ANO4: variants seen among roughly 807,000 people sequenced by gnomAD.
ANO4 encodes anoctamin-4.
In ANO4, 69 loss-of-function variants were observed where a neutral mutation model predicts 141.9. That is an observed-to-expected ratio of 0.49 (90% CI 0.40 to 0.59). The LOEUF (loss-of-function observed/expected upper bound fraction) is 0.59, where lower values mean the gene tolerates loss of function less well. ANO4 is among the 20% of genes least tolerant of loss of function. The probability of loss-of-function intolerance (pLI) is 0.00; values close to 1 mark genes in which losing one functional copy is unlikely to be tolerated. For synonymous variants in ANO4, 350 were observed against 394.3 expected (o/e 0.89, Z 1.33); for missense variants, 894 against 1,162.2 (o/e 0.77, Z 3.36).
intron 7 of ANO4, among the ~76,000 whole-genome samples, chr12:100,984,989 C>T (rs574721039): frequency 2.0e-5 from 3 of 152,214 alleles, no homozygotes; most frequent in South Asian, 4.1e-4. Flanking sequence ...TCATAGTCAT[C>T]GCACACAGAG....
intron 3 of ANO4, among the ~76,000 whole-genome samples, chr12:100,930,892 G>A (rs576688676): frequency 6.6e-5 from 10 of 152,070 alleles, no homozygotes; most frequent in Middle Eastern, 3.2e-3. Flanking sequence ...AGCCTTGCCC[G>A]CTCAGTTGTC....
intron 8 of ANO4, among the ~76,000 whole-genome samples, chr12:100,999,038 G>T (rs1329607854): frequency 1.3e-5 from 2 of 152,140 alleles, no homozygotes; most frequent in Non-Finnish European, 2.9e-5. Flanking sequence ...GGTAGGGCCT[G>T]GATTTCAAGG....
At chr12:100,804,172 G>A (rs190394024) in intron 1 of ANO4, among the ~76,000 whole-genome samples, 1 of 152,092 alleles carries the variant, frequency 6.6e-6, no homozygotes, top group African/African-American at 2.4e-5. Flanking sequence ...TCATCATTGA[G>A]CTCCCACTTA....
Position 100,966,608 on chromosome 12 carries a change from C to A in ANO4, c.457-4698C>A, listed in dbSNP as rs565701065. ...GCTCCAGACTCATTTGTCTAACTAC[C>A]CACAAGACATCTTCTCCTGGGCATG... On this transcript the variant is annotated intron_variant, in intron 5 of 27. Transcript: ENST00000392977. 3.9e-5 allele frequency among the ~76,000 whole-genome samples: 6 copies of A among 152,094 alleles called. No homozygotes were observed. The South Asian group carries it at 1.3e-3, about 32-fold the overall frequency.
chr12:100,745,438 A>C (rs2032059155), intron 3 of ANO4, among the ~76,000 whole-genome samples: 1 of 152,210 alleles, frequency 6.6e-6, no homozygotes, highest in Non-Finnish European at 1.5e-5. Flanking sequence ...AATAGACGTA[A>C]ATAAAGTTCT....
intron 3 of ANO4, among the ~76,000 whole-genome samples, chr12:100,937,283 A>G (rs1302340475): frequency 1.3e-5 from 2 of 152,216 alleles, no homozygotes; most frequent in Admixed American, 6.5e-5. Context: ...TGGAACTTAC[A>G]TTGTAATAAG....
intron 13 of ANO4, 162 bp from the exon 14 acceptor site, chr12:101,048,179 G>A: frequency 1.9e-6 from 2 of 1,035,184 alleles, no homozygotes; most frequent in Non-Finnish European, 2.7e-6. Flanking sequence ...ATTAGAGGAA[G>A]CCTTTTCTTA....
chr12:100,748,459 TAG>T (rs2032214314), intron 3 of ANO4, among the ~76,000 whole-genome samples: 1 of 152,176 alleles, frequency 6.6e-6, no homozygotes, highest in African/African-American at 2.4e-5. Context: ...GCCTTTCTGC[TAG>T]AGTGTTAGTT....
intron 14 of ANO4, among the ~76,000 whole-genome samples, chr12:101,062,901 T>A (rs1268796198): frequency 2.6e-5 from 4 of 152,150 alleles, no homozygotes; most frequent in Admixed American, 2.6e-4. Flanking sequence ...AACAGCTCTG[T>A]CTTGCTGGCA....
intron 9 of ANO4, among the ~76,000 whole-genome samples, chr12:101,023,496 C>T (rs1422541774): frequency 1.3e-5 from 2 of 152,052 alleles, no homozygotes; most frequent in East Asian, 1.9e-4. Flanking sequence ...AATGGTGAAA[C>T]CCCATCTCTA....
intron 14 of ANO4, among the ~76,000 whole-genome samples, chr12:101,050,843 A>G (rs573190040): frequency 6.6e-6 from 1 of 152,160 alleles, no homozygotes; most frequent in Non-Finnish European, 1.5e-5. Context: ...TGAAAGGGGC[A>G]TTATTGTTAT....
intron 8 of ANO4, among the ~76,000 whole-genome samples, chr12:100,989,492 G>A (rs1167555471): frequency 6.6e-6 from 1 of 152,042 alleles, no homozygotes; most frequent in Non-Finnish European, 1.5e-5. Flanking sequence ...GTGCAGAAGG[G>A]TATCACCAAT....
At chr12:101,088,305 C>CA (rs1027386940) in intron 17 of ANO4, among the ~76,000 whole-genome samples, 1 of 152,128 alleles carries the variant, frequency 6.6e-6, no homozygotes, top group African/African-American at 2.4e-5. Context: ...AGTCTTTGTT[C>CA]AAATGTCACT....
At chr12:100,994,134 G>A (rs2045266132) in intron 8 of ANO4, among the ~76,000 whole-genome samples, 2 of 152,196 alleles carry the variant, frequency 1.3e-5, no homozygotes, top group South Asian at 4.1e-4. Context: ...CCTGGTGGTA[G>A]TGGTGGGATG....
intron 2 of ANO4, among the ~76,000 whole-genome samples, chr12:100,734,324 G>A (rs1345718900): frequency 1.3e-5 from 2 of 152,174 alleles, no homozygotes; most frequent in Admixed American, 1.3e-4. Context: ...CTTTCTCCTT[G>A]TTATGCTCAC....
At chr12:100,998,633 C>T (rs1361568196) in intron 8 of ANO4, among the ~76,000 whole-genome samples, 1 of 151,982 alleles carries the variant, frequency 6.6e-6, no homozygotes, top group African/African-American at 2.4e-5. Flanking sequence ...TGCATAAAGC[C>T]CTTCGTCATT....
At position 100,922,410 on chromosome 12, in the gene ANO4, C is replaced by T. The variant is rs1444222528; in HGVS notation, c.160+80C>T. ...TTGGGAGGGGTAATAAACTAGAAAC[C>T]TTAGATGTCAAGCTTTAAAAAATAT... On this transcript the variant is annotated intron_variant, in intron 3 of 27. Transcript: ENST00000392977. 4 of 914,710 alleles carry T rather than the reference C, an allele frequency of 4.4e-6. No homozygotes were observed. In the East Asian group the frequency reaches 1.2e-4, roughly 26 times the overall value. The allele number at this position is 914,710 out of a possible 1,614,324, so 56.7% of individuals were successfully genotyped here. A position where few individuals can be genotyped will look rare whatever the true frequency, so the allele number is the denominator to read the frequency against.
chr12:101,004,527 A>T (rs1246525855), intron 8 of ANO4, among the ~76,000 whole-genome samples: 1 of 152,186 alleles, frequency 6.6e-6, no homozygotes, highest in Non-Finnish European at 1.5e-5. Flanking sequence ...TCTCCCTCTC[A>T]TGCCCTGTAC....
chr12:101,010,820 A>G (rs2046055106), intron 8 of ANO4, among the ~76,000 whole-genome samples: 1 of 152,222 alleles, frequency 6.6e-6, no homozygotes, highest in Non-Finnish European at 1.5e-5. Flanking sequence ...AAAGACTGGT[A>G]TGTTGGTTAT....
Sources: gnomAD v4.1 joint callset for allele counts (sites outside exome capture counted in the v4.1 genomes callset) on GRCh38, gnomAD v4.1.1 for gene constraint, MANE v1.5 for transcripts, NCBI Gene and HGNC (gene_info 2026-07-23, HGNC 2026-07-21) for gene names.